Variants in KLF15 observed in about 807,000 individuals in gnomAD.
KLF15 encodes Krueppel-like factor 15.
A neutral mutation model predicts 24.6 loss-of-function variants in KLF15; 4 were observed. The ratio of observed to expected loss-of-function variants is 0.16; its 90% CI spans 0.08 to 0.37. The LOEUF (loss-of-function observed/expected upper bound fraction) is 0.37. KLF15 is among the 10% of genes least tolerant of loss of function. KLF15 has a pLI of 1.00. For synonymous variants in KLF15, 246 were observed against 236.3 expected (o/e 1.04, Z -0.37); for missense variants, 496 against 560.6 (o/e 0.88, Z 1.16).
the KLF15 span, among the ~76,000 whole-genome samples, chr3:126,298,487 A>G: frequency 6.6e-6 from 1 of 151,438 alleles, no homozygotes; most frequent in African/African-American, 2.4e-5. Context: ...TATCTCATTT[A>G]TTTATTTTGT....
intron 2 of KLF15, 116 bp from the exon 3 acceptor site, chr3:126,344,011 C>T: frequency 2.8e-6 from 3 of 1,068,310 alleles, no homozygotes; most frequent in East Asian, 2.8e-5. Context: ...AGGGTGGCTG[C>T]GCAGACCTGC....
chr3:126,306,361 T>C, the KLF15 span, among the ~76,000 whole-genome samples: 3 of 152,112 alleles, frequency 2.0e-5, no homozygotes, highest in Non-Finnish European at 4.4e-5. Flanking sequence ...CGAAATCACA[T>C]GGAGAAAAAA....
At chr3:126,310,475 A>C in the KLF15 span, among the ~76,000 whole-genome samples, 1 of 152,152 alleles carries the variant, frequency 6.6e-6, no homozygotes, top group African/African-American at 2.4e-5. Flanking sequence ...TACTAAGTTC[A>C]CAGTGTCCTC....
chr3:126,306,728 G>A, the KLF15 span, among the ~76,000 whole-genome samples: 1 of 152,232 alleles, frequency 6.6e-6, no homozygotes, highest in African/African-American at 2.4e-5. Flanking sequence ...GGGAGCGAGA[G>A]GCCCACTGGG....
chr3:126,351,818 G>A, intron 2 of KLF15, 23 bp downstream of exon 2: 2 of 1,598,838 alleles, frequency 1.3e-6, no homozygotes, highest in Non-Finnish European at 8.5e-7. Flanking sequence ...TCACTGCCCA[G>A]GCCTGTCACT....
chr3:126,322,459 G>T, the KLF15 span, among the ~76,000 whole-genome samples: 1 of 152,050 alleles, frequency 6.6e-6, no homozygotes, highest in Non-Finnish European at 1.5e-5. Flanking sequence ...CCTCTTCTTC[G>T]GTCCTCGTTC....
chr3:126,345,341 G>T (rs540683777), intron 2 of KLF15, among the ~76,000 whole-genome samples: 77 of 152,098 alleles, frequency 5.1e-4, no homozygotes, highest in African/African-American at 1.9e-3. Flanking sequence ...CTTGGTTCCC[G>T]GTGGTCTTCC....
downstream of KLF15, chr3:126,342,526 AT>A (rs1431288168): frequency 6.6e-6 from 1 of 152,438 alleles, no homozygotes; most frequent in Non-Finnish European, 1.5e-5. Context: ...ATCCCTCCAA[AT>A]ACAAAACAGA....
downstream of KLF15, among the ~76,000 whole-genome samples, chr3:126,342,119 T>C (rs759269060): frequency 2.6e-5 from 4 of 152,182 alleles, no homozygotes; most frequent in Non-Finnish European, 5.9e-5. Context: ...TAACTGCATA[T>C]ACTGGCCTCT....
the KLF15 span, among the ~76,000 whole-genome samples, chr3:126,318,712 C>T: frequency 6.6e-6 from 1 of 152,036 alleles, no homozygotes; most frequent in African/African-American, 2.4e-5. Flanking sequence ...ATTTAGTAGA[C>T]TTTATTTTTT....
intron 2 of KLF15, among the ~76,000 whole-genome samples, chr3:126,348,546 C>G (rs938384): frequency 6.6e-6 from 1 of 152,196 alleles, no homozygotes; most frequent in African/African-American, 2.4e-5. Context: ...GGGCATGTGA[C>G]GTGAGCAGTC....
chr3:126,323,433 AT>A, the KLF15 span, among the ~76,000 whole-genome samples: 20 of 51,724 alleles, frequency 3.9e-4, no homozygotes, highest in Non-Finnish European at 6.1e-4. Context: ...ATATATATAT[AT>A]AACATATATA....
At chr3:126,306,503 G>A in the KLF15 span, among the ~76,000 whole-genome samples, 2 of 152,338 alleles carry the variant, frequency 1.3e-5, no homozygotes, top group South Asian at 4.1e-4. Flanking sequence ...TGAGCTATCC[G>A]TGGGTCTGTG....
At chr3:126,320,525 T>C in the KLF15 span, among the ~76,000 whole-genome samples, 67,138 of 151,804 alleles carry the variant, frequency 0.44, 15,058 homozygotes, top group Non-Finnish European at 0.47. Context: ...TAAGAGTGCT[T>C]TCCTGTGCAC....
chr3:126,317,610 C>T, the KLF15 span, among the ~76,000 whole-genome samples: 2 of 152,058 alleles, frequency 1.3e-5, no homozygotes, highest in African/African-American at 2.4e-5. Flanking sequence ...CCCCGGAGTG[C>T]GGGCAGGTCA....
At chr3:126,314,075 C>G in the KLF15 span, among the ~76,000 whole-genome samples, 2 of 152,188 alleles carry the variant, frequency 1.3e-5, no homozygotes, top group African/African-American at 4.8e-5. Flanking sequence ...TATTATCTTG[C>G]TCTTTATACA....
chr3:126,323,421 A>ATATATAACATATATATGT, the KLF15 span, among the ~76,000 whole-genome samples: 4 of 35,478 alleles, frequency 1.1e-4, no homozygotes, highest in African/African-American at 4.7e-4. Context: ...ATATATATAT[A>ATATATAACATATATATGT]TATATATATA....
the KLF15 span, among the ~76,000 whole-genome samples, chr3:126,313,848 T>C: frequency 1.3e-5 from 2 of 152,220 alleles, no homozygotes; most frequent in African/African-American, 4.8e-5. Context: ...CTGGGGCACG[T>C]TGTGTGGCTA....
At chr3:126,319,287 A>G in the KLF15 span, among the ~76,000 whole-genome samples, 1 of 152,194 alleles carries the variant, frequency 6.6e-6, no homozygotes, top group Non-Finnish European at 1.5e-5. Context: ...TAAGTTTTCA[A>G]TTCATTTGGG....
Sources: gnomAD v4.1 joint callset for allele counts (sites outside exome capture counted in the v4.1 genomes callset) on GRCh38, gnomAD v4.1.1 for gene constraint, MANE v1.5 for transcripts, NCBI Gene and HGNC (gene_info 2026-07-23, HGNC 2026-07-21) for gene names.